The following KIZ variants were observed in gnomAD, a reference collection of about 807,000 sequenced individuals.
The protein encoded by KIZ is centrosomal protein kizuna.
A neutral mutation model predicts 79.6 loss-of-function variants in KIZ; 68 were observed. The observed-to-expected ratio is 0.85, with a 90% CI of 0.70 to 1.05. The LOEUF is 1.05. Among genes scored for constraint, KIZ ranks in the 50% least tolerant of loss-of-function variants. The pLI, the probability that KIZ is intolerant of heterozygous loss-of-function variation, is 0.00. For missense variants in KIZ, 797 were observed against 800.4 expected, an observed-to-expected ratio of 1.00 and a Z score of 0.05; for synonymous variants, 280 against 281.8, an observed-to-expected ratio of 0.99 and a Z score of 0.06.
Position 21,163,152 on chromosome 20 carries a change from A to T in KIZ, c.1345A>T (p.Thr449Ser), listed in dbSNP as rs2033768806. ...SEKESSTNAP[T>S]REPGQTPDSD... ...AAAGGAATCCTCCACTAACGCACCA[A>T]CAAGAGAGTAAGCCATTCAATTTTT... The change falls in exon 6 of 13, where the codon ACA becomes TCA. Residue 449 changes from threonine (T) to serine (S), a missense_variant. Coordinates refer to ENST00000619189, the MANE Select transcript of KIZ (RefSeq NM_018474.6). 1 of 1,603,552 alleles carries T rather than the reference A, an allele frequency of 6.2e-7. No homozygotes were observed. Among genetic ancestry groups the T allele is most frequent in the Non-Finnish European group, 8.5e-7 (1 of 1,175,282 alleles).
chr20:21,182,524 A>G (rs2034696754), intron 6 of KIZ, among the ~76,000 whole-genome samples: 1 of 152,302 alleles, frequency 6.6e-6, no homozygotes, highest in African/African-American at 2.4e-5. Flanking sequence ...GGCCAGGCGC[A>G]GTGGCTCAGC....
chr20:21,206,342 T>C (rs1383822920), intron 7 of KIZ, among the ~76,000 whole-genome samples: 1 of 151,986 alleles, frequency 6.6e-6, no homozygotes, highest in Non-Finnish European at 1.5e-5. Context: ...ATGTCAAAAA[T>C]GTGGGCTTTC....
At chr20:21,136,200 A>G (rs567352961) in intron 2 of KIZ, among the ~76,000 whole-genome samples, 190 bp from the exon 3 acceptor site, 1 of 152,064 alleles carries the variant, frequency 6.6e-6, no homozygotes, top group South Asian at 2.1e-4. Context: ...CCGATATGAT[A>G]CCTCAGTGGT....
chr20:21,195,532 T>C (rs1318493616), intron 6 of KIZ: 2 of 152,084 alleles, frequency 1.3e-5, no homozygotes, highest in African/African-American at 2.4e-5. Flanking sequence ...TTAGAAGATA[T>C]CCAAAAACAT....
chr20:21,143,523 G>A (rs1367264917), intron 3 of KIZ, among the ~76,000 whole-genome samples: 1 of 152,154 alleles, frequency 6.6e-6, no homozygotes, highest in African/African-American at 2.4e-5. Flanking sequence ...GTTAATCGTT[G>A]TTAACAGATT....
chr20:21,149,467 C>T (rs558610168), intron 4 of KIZ, among the ~76,000 whole-genome samples: 1 of 152,276 alleles, frequency 6.6e-6, no homozygotes, highest in East Asian at 1.9e-4. Flanking sequence ...AGAAGAAATG[C>T]CTTACAACTC....
intron 9 of KIZ, chr20:21,226,015 C>T (rs1258744521): frequency 6.6e-6 from 1 of 152,240 alleles, no homozygotes; most frequent in Non-Finnish European, 1.5e-5. Flanking sequence ...CAGTTTTTCC[C>T]TAAGTGTTCT....
At chr20:21,143,011 C>T (rs2032654615) in intron 3 of KIZ, among the ~76,000 whole-genome samples, 1 of 152,090 alleles carries the variant, frequency 6.6e-6, no homozygotes, top group Non-Finnish European at 1.5e-5. Flanking sequence ...TTTTATCAAC[C>T]AAAGTGTCTT....
intron 1 of KIZ, among the ~76,000 whole-genome samples, chr20:21,131,509 T>C (rs2031841054): frequency 6.6e-6 from 1 of 152,204 alleles, no homozygotes; most frequent in African/African-American, 2.4e-5. Flanking sequence ...GCTTGTCTGG[T>C]TGAAAACAGA....
intron 1 of KIZ, among the ~76,000 whole-genome samples, chr20:21,128,733 G>T (rs2031646401): frequency 1.3e-5 from 2 of 152,136 alleles, no homozygotes; most frequent in Non-Finnish European, 2.9e-5. Context: ...AGTGGAATTG[G>T]CTCTTACGGT....
In KIZ at chr20:21,162,850, A is replaced by ACT; in HGVS notation, c.1043_1044insCT (p.His349PhefsTer35). On this transcript the variant is annotated frameshift_variant and splice_region_variant, in exon 6 of 13. Coordinates refer to ENST00000619189, the MANE Select transcript of KIZ (RefSeq NM_018474.6). LOFTEE classifies it high-confidence loss of function. Reference sequence around the variant, plus strand: ...AATCAGTTCATGTCGCCACTTGCAGATCATCTTGCTCACAGGGAACCAAAG... The same window carrying ACT: ...AATCAGTTCATGTCGCCACTTGCAGACTTCATCTTGCTCACAGGGAACCAAAG... 1.9e-6 allele frequency: 3 copies of ACT among 1,610,290 alleles called. No homozygotes were observed. The highest frequency in any genetic ancestry group is 2.5e-6 in the Non-Finnish European group (3 of 1,177,986).
chr20:21,213,030 G>A (rs1681536932), intron 7 of KIZ, among the ~76,000 whole-genome samples: 1 of 152,220 alleles, frequency 6.6e-6, no homozygotes, highest in Admixed American at 6.5e-5. Context: ...CTGGCTGCAA[G>A]GCTAACTTGA....
At chr20:21,219,641 G>C (rs2036435945) in intron 9 of KIZ, among the ~76,000 whole-genome samples, 1 of 152,174 alleles carries the variant, frequency 6.6e-6, no homozygotes, top group South Asian at 2.1e-4. Flanking sequence ...AAAGAGCATT[G>C]TGGAAGGAAT....
At chr20:21,183,946 C>T (rs1432343986) in intron 6 of KIZ, among the ~76,000 whole-genome samples, 6 of 152,156 alleles carry the variant, frequency 3.9e-5, no homozygotes. Context: ...CTGTCATTGG[C>T]TCTGACCACA....
At chr20:21,233,247 A>G (rs2036894040) in intron 11 of KIZ, among the ~76,000 whole-genome samples, 2 of 151,864 alleles carry the variant, frequency 1.3e-5, no homozygotes, top group African/African-American at 4.8e-5. Context: ...ATTCATTTTT[A>G]TTTTCCTCTT....
rs747101809 is a variant in KIZ, at chr20:21,174,403, A to G, written c.1352+11244A>G. On this transcript the variant is annotated intron_variant, in intron 6 of 12. Transcript: ENST00000619189. ...TGTGACCAGAGTTAACTGGTACCCTATGCTGTCTCCCAGTGAATCTTTACT... is the reference window on the plus strand; with the variant it reads ...TGTGACCAGAGTTAACTGGTACCCTGTGCTGTCTCCCAGTGAATCTTTACT... 2.0e-4 allele frequency among the ~76,000 whole-genome samples: 31 copies of G among 152,172 alleles called. 1 individual carries two copies. The highest frequency in any genetic ancestry group is 1.4e-3 in the Admixed American group (22 of 15,270).
intron 7 of KIZ, chr20:21,214,032 G>T (rs2036182075): frequency 6.6e-6 from 1 of 152,666 alleles, no homozygotes. Flanking sequence ...CCTGTTTAGG[G>T]GAAATTCATG....
At chr20:21,129,874 C>T (rs2031729796) in intron 1 of KIZ, among the ~76,000 whole-genome samples, 1 of 152,162 alleles carries the variant, frequency 6.6e-6, no homozygotes. Context: ...AGATTTTTGA[C>T]ACTGAGATAT....
chr20:21,227,857 T>G (rs1029750127), intron 9 of KIZ, among the ~76,000 whole-genome samples: 5 of 152,214 alleles, frequency 3.3e-5, no homozygotes, highest in Non-Finnish European at 7.3e-5. Context: ...AAATACTAGT[T>G]TCAGCGACCT....
Sources: gnomAD v4.1 joint callset for allele counts (sites outside exome capture counted in the v4.1 genomes callset) on GRCh38, gnomAD v4.1.1 for gene constraint, MANE v1.5 for transcripts, NCBI Gene and HGNC (gene_info 2026-07-23, HGNC 2026-07-21) for gene names.